The following TJP2 variants were observed in gnomAD, a reference collection of about 807,000 sequenced individuals.
TJP2 encodes tight junction protein 2, also known as Friedreich ataxia region gene X104 (tight junction protein ZO-2).
Under a neutral mutation model 133.1 loss-of-function variants are expected in TJP2, and 91 were observed. The observed-to-expected ratio is 0.68, with a 90% CI of 0.58 to 0.81. The LOEUF is 0.81. Among genes scored for constraint, TJP2 ranks in the 40% least tolerant of loss-of-function variants. TJP2 has a pLI of 0.00. For synonymous variants in TJP2, 592 were observed against 583.4 expected (o/e 1.01, Z -0.21); for missense variants, 1,541 against 1,565.6 (o/e 0.98, Z 0.26).
At chr9:69,242,084 G>A (rs77274806) in intron 17 of TJP2, among the ~76,000 whole-genome samples, 1,638 of 152,320 alleles carry the variant, frequency 0.011, 29 homozygotes, top group African/African-American at 0.037. Context: ...GAATTACAGT[G>A]CATTGTAGAG....
chr9:69,133,570 G>A (rs951179848), intron 1 of TJP2, among the ~76,000 whole-genome samples: 1 of 35,182 alleles, frequency 2.8e-5, no homozygotes, highest in African/African-American at 1.2e-4. Flanking sequence ...TTTTTTTTTT[G>A]AGACAGGGTC....
Position 69,211,183 on chromosome 9 carries a change from A to G in TJP2, c.61-1365A>G, listed in dbSNP as rs1827879744. On this transcript the variant is annotated intron_variant, in intron 1 of 22. Coordinates refer to ENST00000377245, the MANE Select transcript of TJP2 (RefSeq NM_004817.4). ...TGAAGCCCCATCTCTACTAAAATAC[A>G]AAAATTAGCCGGGCGTGGTAGTGCG... is the stretch of plus-strand genomic sequence containing the variant. Among the ~76,000 whole-genome samples, 3 of 152,174 alleles carry G rather than the reference A, an allele frequency of 2.0e-5. No individual in the cohort carries two copies. The South Asian group carries it at 6.2e-4, about 32-fold the overall frequency.
intron 6 of TJP2, 143 bp from the exon 7 acceptor site, chr9:69,225,879 A>C: frequency 5.9e-6 from 5 of 851,750 alleles, no homozygotes; most frequent in Non-Finnish European, 9.2e-6. Flanking sequence ...TTAAACGACA[A>C]TTCATTTTTA....
Position 69,227,902 on chromosome 9 carries a change from A to G in TJP2, c.1319+29A>G, listed in dbSNP as rs781466392. 6 of 1,612,724 alleles carry G rather than the reference A, an allele frequency of 3.7e-6. No homozygotes were observed. In the Admixed American group the frequency reaches 5.0e-5, roughly 13 times the overall value. On this transcript the variant is annotated intron_variant, in intron 8 of 22. Coordinates refer to ENST00000377245, the MANE Select transcript of TJP2 (RefSeq NM_004817.4). Reference sequence around the variant, plus strand: ...AGATGACATGAATATTCTCTTGTACATGTCATTGTGAATGTACACACATAT... The same window carrying G: ...AGATGACATGAATATTCTCTTGTACGTGTCATTGTGAATGTACACACATAT...
At chr9:69,153,648 A>T (rs1463461099) in intron 2 of TJP2, among the ~76,000 whole-genome samples, 6 of 152,208 alleles carry the variant, frequency 3.9e-5, no homozygotes, top group African/African-American at 1.4e-4. Flanking sequence ...TTATTCAAAT[A>T]AATTGGAGGG....
At chr9:69,221,769 C>G (rs1373190696) in intron 5 of TJP2, among the ~76,000 whole-genome samples, 1 of 151,546 alleles carries the variant, frequency 6.6e-6, no homozygotes, top group African/African-American at 2.4e-5. Flanking sequence ...CCAGGCTGGA[C>G]TTGAACTCCT....
At chr9:69,225,872 A>C (rs780758603) in intron 6 of TJP2, 150 bp from the exon 7 acceptor site, 2 of 810,488 alleles carry the variant, frequency 2.5e-6, no homozygotes, top group Non-Finnish European at 3.9e-6. Context: ...ATTTAATTTA[A>C]ACGACAATTC....
At chr9:69,133,638 G>A (rs1477774743) in intron 1 of TJP2, among the ~76,000 whole-genome samples, 1 of 143,434 alleles carries the variant, frequency 7.0e-6, no homozygotes, top group East Asian at 2.1e-4. Context: ...TGCAGCCTCT[G>A]CCTCCCGAGT....
chr9:69,209,154 AT>A (rs1204758958), intron 1 of TJP2, among the ~76,000 whole-genome samples: 1 of 151,612 alleles, frequency 6.6e-6, no homozygotes, highest in Middle Eastern at 3.2e-3. Context: ...TTCTTTCTTT[AT>A]TTTTTTTGAG....
At chr9:69,201,499 T>A (rs1826989024) in intron 1 of TJP2, among the ~76,000 whole-genome samples, 1 of 152,086 alleles carries the variant, frequency 6.6e-6, no homozygotes. Flanking sequence ...AAACCCTCCC[T>A]GGCCAACCTG....
At chr9:69,179,525 T>C (rs1245469136) in intron 1 of TJP2, among the ~76,000 whole-genome samples, 1 of 151,306 alleles carries the variant, frequency 6.6e-6, no homozygotes, top group Non-Finnish European at 1.5e-5. Context: ...TTTTTTTTTT[T>C]TGAGACGGAG....
intron 2 of TJP2, among the ~76,000 whole-genome samples, chr9:69,214,633 C>T (rs1828208998): frequency 6.6e-6 from 1 of 152,120 alleles, no homozygotes; most frequent in East Asian, 1.9e-4. Flanking sequence ...CTTTGGGAGG[C>T]AGAGACAGGT....
At position 69,123,969 on chromosome 9, in the gene TJP2, G is replaced by T. The variant is rs113167616; in HGVS notation, c.-131+2244G>T. On this transcript the variant is annotated intron_variant, in intron 1 of 5. Coordinates refer to the TJP2 transcript ENST00000423935. ...TGCAAGCTCCACCTCCCAGGTTCAC[G>T]CCATTCTCCTGCCTCAGCCTCCCGA... Among the ~76,000 whole-genome samples, 7 of 76,210 alleles carry T rather than the reference G, an allele frequency of 9.2e-5. 3 individuals are homozygous for T. The highest frequency in any genetic ancestry group is 2.8e-4 in the African/African-American group (7 of 24,954). 50.0% of individuals were successfully genotyped at this position (76,210 alleles called of 152,430 possible).
chr9:69,153,538 C>G (rs193244874), intron 2 of TJP2, among the ~76,000 whole-genome samples: 1 of 152,092 alleles, frequency 6.6e-6, no homozygotes, highest in Non-Finnish European at 1.5e-5. Flanking sequence ...GAGCTGAGAT[C>G]GTGCCACTGC....
intron 1 of TJP2, among the ~76,000 whole-genome samples, chr9:69,208,978 G>T (rs1055575286): frequency 2.0e-5 from 3 of 152,106 alleles, no homozygotes; most frequent in African/African-American, 7.2e-5. Context: ...GGAGAAGTGG[G>T]CATGCTCATA....
At position 69,149,947 on chromosome 9, in the gene TJP2, C is replaced by T. The variant is rs541759966; in HGVS notation, c.-130-1704C>T. ...GATGGATCACTTGAGGTCAGGAGTT[C>T]GACACCAGCCGGGCCAACGTGGTGA... On this transcript the variant is annotated intron_variant, in intron 1 of 5. Coordinates refer to the TJP2 transcript ENST00000423935. 1.1e-4 allele frequency among the ~76,000 whole-genome samples: 16 copies of T among 152,102 alleles called. No homozygotes were observed. In the South Asian group the frequency reaches 1.2e-3, roughly 12 times the overall value.
intron 1 of TJP2, among the ~76,000 whole-genome samples, chr9:69,190,463 G>C (rs1485852183): frequency 3.9e-5 from 6 of 152,188 alleles, no homozygotes; most frequent in Non-Finnish European, 8.8e-5. Flanking sequence ...AAGCATAGTT[G>C]ACTTTGAGCT....
chr9:69,195,499 C>G (rs893396228), intron 1 of TJP2, among the ~76,000 whole-genome samples: 1 of 151,890 alleles, frequency 6.6e-6, no homozygotes, highest in Admixed American at 6.6e-5. Flanking sequence ...CACCTGTTAG[C>G]TGTGGGGCCT....
chr9:69,158,188 G>A (rs1181732942), intron 2 of TJP2, among the ~76,000 whole-genome samples: 2 of 151,772 alleles, frequency 1.3e-5, no homozygotes, highest in East Asian at 3.9e-4. Flanking sequence ...GCATGGTGGT[G>A]CACGCCTGTA....
Sources: allele counts gnomAD v4.1 joint callset (sites outside exome capture counted in the v4.1 genomes callset), GRCh38; gene constraint gnomAD v4.1.1; transcripts MANE v1.5; gene names NCBI Gene and HGNC (gene_info 2026-07-23, HGNC 2026-07-21).